Variants in PDZRN4 observed in about 807,000 individuals in gnomAD.
PDZRN4 encodes the protein PDZ domain-containing RING finger protein 4.
Under a neutral mutation model 99.0 loss-of-function variants are expected in PDZRN4, and 70 were observed. That is an observed-to-expected ratio of 0.71 (90% CI 0.58 to 0.86). The LOEUF (loss-of-function observed/expected upper bound fraction) is 0.86. Ranked by LOEUF, PDZRN4 falls within the 40% of genes least tolerant of loss-of-function variation. The probability of loss-of-function intolerance (pLI) is 0.00; values close to 1 mark genes in which losing one functional copy is unlikely to be tolerated. For synonymous variants in PDZRN4, 551 were observed against 501.6 expected (o/e 1.10, Z -1.32); for missense variants, 1,474 against 1,331.2 (o/e 1.11, Z -1.67).
intron 8 of PDZRN4, among the ~76,000 whole-genome samples, chr12:41,565,330 T>C (rs534534443): frequency 1.3e-5 from 2 of 151,616 alleles, no homozygotes; most frequent in Admixed American, 1.3e-4. Flanking sequence ...AGGAAGCTAA[T>C]TGCCTATAGA....
At chr12:41,459,548 C>T (rs1199809514) in intron 3 of PDZRN4, among the ~76,000 whole-genome samples, 1 of 152,218 alleles carries the variant, frequency 6.6e-6, no homozygotes, top group Non-Finnish European at 1.5e-5. Flanking sequence ...TTAGCCATAG[C>T]AGCATTTGCT....
intron 3 of PDZRN4, among the ~76,000 whole-genome samples, chr12:41,210,025 T>C (rs1319542654): frequency 8.6e-5 from 13 of 152,042 alleles, no homozygotes; most frequent in Admixed American, 3.3e-4. Flanking sequence ...CCTGACTCTT[T>C]AATGATCACC....
intron 3 of PDZRN4, among the ~76,000 whole-genome samples, chr12:41,338,130 A>C (rs918160867): frequency 3.3e-5 from 5 of 152,106 alleles, no homozygotes; most frequent in African/African-American, 1.2e-4. Context: ...AATCAATGGA[A>C]GGAACATTTT....
chr12:41,314,480 GCTGTGGT>G (rs1162452530), intron 3 of PDZRN4, among the ~76,000 whole-genome samples: 1 of 152,190 alleles, frequency 6.6e-6, no homozygotes, highest in Non-Finnish European at 1.5e-5. Context: ...TGTAGAATAT[GCTGTGGT>G]AGCATAGTCC....
intron 3 of PDZRN4, among the ~76,000 whole-genome samples, chr12:41,371,387 G>T (rs999840093): frequency 1.3e-5 from 2 of 151,804 alleles, no homozygotes; most frequent in Non-Finnish European, 2.9e-5. Context: ...CAGGAAAATA[G>T]CAGGCTTCTT....
chr12:41,315,231 G>T (rs964594511), intron 3 of PDZRN4, among the ~76,000 whole-genome samples: 11 of 152,074 alleles, frequency 7.2e-5, no homozygotes, highest in African/African-American at 2.7e-4. Flanking sequence ...TTGTTCTTAT[G>T]CATGCCTACT....
intron 3 of PDZRN4, among the ~76,000 whole-genome samples, chr12:41,505,843 T>G (rs952495975): frequency 6.7e-6 from 1 of 149,624 alleles, no homozygotes; most frequent in African/African-American, 2.4e-5. Flanking sequence ...CTTGTGAGTA[T>G]GCCAATTCTG....
chr12:41,389,355 C>T (rs11180880), intron 3 of PDZRN4, among the ~76,000 whole-genome samples: 4,983 of 152,112 alleles, frequency 0.033, 116 homozygotes, highest in African/African-American at 0.071. Context: ...ATTCTCTAGG[C>T]TTTTAAATGA....
intron 3 of PDZRN4, among the ~76,000 whole-genome samples, chr12:41,269,758 G>A (rs1037974461): frequency 9.2e-5 from 14 of 152,182 alleles, no homozygotes; most frequent in African/African-American, 3.4e-4. Context: ...AAAGAAAGAT[G>A]AAAAGCCAAA....
intron 7 of PDZRN4, among the ~76,000 whole-genome samples, chr12:41,556,685 A>G (rs555451365): frequency 6.6e-6 from 1 of 152,244 alleles, no homozygotes; most frequent in African/African-American, 2.4e-5. Context: ...ATGTGGAAAC[A>G]TAGAGACTGA....
chr12:41,357,901 G>C (rs1951938707), intron 3 of PDZRN4, among the ~76,000 whole-genome samples: 1 of 151,930 alleles, frequency 6.6e-6, no homozygotes, highest in African/African-American at 2.4e-5. Context: ...CTCTCTAAGG[G>C]AGGAACACTC....
At chr12:41,530,344 A>T (rs1280541117) in intron 5 of PDZRN4, among the ~76,000 whole-genome samples, 1 of 152,198 alleles carries the variant, frequency 6.6e-6, no homozygotes, top group East Asian at 1.9e-4. Context: ...TTAACTTTGC[A>T]TGTTTATATA....
At chr12:41,306,635 G>A (rs1031614626) in intron 3 of PDZRN4, among the ~76,000 whole-genome samples, 3 of 152,126 alleles carry the variant, frequency 2.0e-5, no homozygotes, top group Non-Finnish European at 2.9e-5. Context: ...CAGATAGGCC[G>A]AGAATTCTCC....
intron 3 of PDZRN4, among the ~76,000 whole-genome samples, chr12:41,449,900 G>A (rs1952761104): frequency 6.6e-6 from 1 of 151,760 alleles, no homozygotes; most frequent in South Asian, 2.1e-4. Flanking sequence ...TAGCTAAATT[G>A]TCAAATTATT....
chr12:41,531,356 G>A (rs1938658001), intron 5 of PDZRN4, among the ~76,000 whole-genome samples: 1 of 152,166 alleles, frequency 6.6e-6, no homozygotes, highest in Non-Finnish European at 1.5e-5. Context: ...CGGAGTTCCA[G>A]TGCCTGTCGG....
chr12:41,519,063 T>A (rs1398550098), intron 5 of PDZRN4, among the ~76,000 whole-genome samples: 1 of 152,134 alleles, frequency 6.6e-6, no homozygotes, highest in Non-Finnish European at 1.5e-5. Context: ...GTATACCTAC[T>A]TCCATGTCAA....
At chr12:41,510,073 C>T (rs1015059558) in intron 5 of PDZRN4, among the ~76,000 whole-genome samples, 160 bp downstream of exon 5, 2 of 152,012 alleles carry the variant, frequency 1.3e-5, no homozygotes, top group Non-Finnish European at 2.9e-5. Flanking sequence ...ATGTGGCTCT[C>T]GTGTTTTAAG....
intron 3 of PDZRN4, among the ~76,000 whole-genome samples, chr12:41,361,002 A>G (rs1951960511): frequency 6.6e-6 from 1 of 151,860 alleles, no homozygotes; most frequent in Admixed American, 6.6e-5. Flanking sequence ...ACACATGTAC[A>G]TACATGCATA....
intron 3 of PDZRN4, among the ~76,000 whole-genome samples, chr12:41,339,413 A>G (rs147295929): frequency 6.6e-6 from 1 of 152,236 alleles, no homozygotes; most frequent in African/African-American, 2.4e-5. Flanking sequence ...CAAAATACAA[A>G]CATCAAATCA....
Sources: allele counts gnomAD v4.1 joint callset (sites outside exome capture counted in the v4.1 genomes callset), GRCh38; gene constraint gnomAD v4.1.1; transcripts MANE v1.5; gene names NCBI Gene and HGNC (gene_info 2026-07-23, HGNC 2026-07-21).